NECTIN1: variants seen among roughly 807,000 people sequenced by gnomAD.
NECTIN1 encodes nectin-1.
NECTIN1 carries 23 observed loss-of-function variants against 48.0 expected under a neutral mutation model. The ratio of observed to expected loss-of-function variants is 0.48; its 90% confidence interval spans 0.34 to 0.68. The LOEUF (loss-of-function observed/expected upper bound fraction) is 0.68, where lower values mean the gene tolerates loss of function less well. Among genes scored for constraint, NECTIN1 ranks in the 30% least tolerant of loss-of-function variants. The probability of loss-of-function intolerance (pLI) is 0.01; values close to 1 mark genes in which losing one functional copy is unlikely to be tolerated. For synonymous variants in NECTIN1, 270 were observed against 288.9 expected (o/e 0.93, Z 0.66); for missense variants, 591 against 709.9 (o/e 0.83, Z 1.90).
chr11:119,687,141 G>C (rs930612311), intron 1 of NECTIN1, among the ~76,000 whole-genome samples: 1 of 152,064 alleles, frequency 6.6e-6, no homozygotes, highest in Admixed American at 6.6e-5. Context: ...TCCCAACAGG[G>C]GGAAGGTTGG....
rs903689694 is a variant in NECTIN1 at position 119,672,774 on chromosome 11, T to A, written c.1003+2385A>T. Among the ~76,000 whole-genome samples, 1 of 152,122 alleles carries A rather than the reference T, an allele frequency of 6.6e-6. No homozygotes were observed. Among genetic ancestry groups the A allele is most frequent in the African/African-American group, 2.4e-5 (1 of 41,426 alleles). ...TTCCCATGCTTCCCTGGCCTGGGCA[T>A]CCCGCCCTCCAGCCCTGCCTACTCA... On this transcript the variant is annotated intron_variant, in intron 5 of 5. Coordinates refer to ENST00000264025, the MANE Select transcript of NECTIN1 (RefSeq NM_002855.5). The surrounding 1 kb of genome is among the most constrained non-coding windows in gnomAD (Gnocchi z 4.3).
chr11:119,697,906 C>T (rs1235130925), intron 1 of NECTIN1, among the ~76,000 whole-genome samples: 2 of 152,270 alleles, frequency 1.3e-5, no homozygotes, highest in Non-Finnish European at 2.9e-5. Context: ...AGAGGACAGG[C>T]AGGATGGGCT....
Position 119,706,840 on chromosome 11 carries a change from G to C in NECTIN1, c.79+21635C>G, listed in dbSNP as rs551112191. On this transcript the variant is annotated intron_variant, in intron 1 of 5. Transcript: ENST00000264025. The stretch of plus-strand genomic sequence containing the variant: ...ATTTAATCCTCGTGAACTCCCTCTG[G>C]GTTTATATCATTATCCCACTTTTGT... 1.4e-4 allele frequency among the ~76,000 whole-genome samples: 22 copies of C among 152,244 alleles called. No individual in the cohort carries two copies. In the South Asian group the frequency reaches 1.7e-3, roughly 11 times the overall value.
Position 119,677,408 on chromosome 11 carries a change from A to G in NECTIN1, c.733+147T>C. On this transcript the variant is annotated intron_variant, in intron 3 of 5. Transcript: ENST00000264025. This position sits in a 1 kb window ranked among gnomAD's most constrained non-coding sequence, Gnocchi z 5.4. ...CAGGAGGGCGACAGGGAAGGAGGAG[A>G]GAAAACGAGCAAAGGGAGGAGATAG... 2 of 1,082,570 alleles carry G rather than the reference A, an allele frequency of 1.8e-6. No homozygotes were observed. Among genetic ancestry groups the G allele is most frequent in the Non-Finnish European group, 2.8e-6 (2 of 719,164 alleles). The allele number at this position is 1,082,570 out of a possible 1,614,324, so 67.1% of individuals were successfully genotyped here.
At chr11:119,697,209 AGG>A (rs1216910038) in intron 1 of NECTIN1, among the ~76,000 whole-genome samples, 1 of 152,058 alleles carries the variant, frequency 6.6e-6, no homozygotes, top group South Asian at 2.1e-4. Context: ...CAGCCGAGAG[AGG>A]GGGGTAGGGA....
chr11:119,663,024 G>GAGGGA lies in NECTIN1; in HGVS notation c.*1722_*1723insTCCCT. 1 of 979,336 alleles carries GAGGGA rather than the reference G, an allele frequency of 1.0e-6. No individual in the cohort carries two copies. The highest frequency in any genetic ancestry group is 1.2e-6 in the Non-Finnish European group (1 of 826,420). The allele number at this position is 979,336 out of a possible 1,614,324, so 60.7% of individuals were successfully genotyped here. ...GGTTCAATAGCAGCACCAGGGAGGG[G>GAGGGA]AGGGGAGGGGTTGGGGGGCTCCCTT... On this transcript the variant is annotated 3_prime_UTR_variant, in exon 6 of 6. Transcript: ENST00000264025.
chr11:119,716,364 T>C (rs142588832), intron 1 of NECTIN1, among the ~76,000 whole-genome samples: 1 of 152,090 alleles, frequency 6.6e-6, no homozygotes, highest in African/African-American at 2.4e-5. Context: ...CTCACAACAG[T>C]CCAGCGGTGC....
intron 6 of NECTIN1, among the ~76,000 whole-genome samples, chr11:119,639,154 G>A (rs926615990): frequency 6.6e-6 from 1 of 152,022 alleles, no homozygotes; most frequent in African/African-American, 2.4e-5. Context: ...GGCCTCAGGT[G>A]CACGGTATGC....
chr11:119,678,004 C>A lies in NECTIN1; in HGVS notation c.431-147G>T. 1.2e-6 allele frequency: 1 copy of A among 800,796 alleles called. No homozygotes were observed. Among genetic ancestry groups the A allele is most frequent in the Non-Finnish European group, 2.1e-6 (1 of 476,186 alleles). The allele number at this position is 800,796 out of a possible 1,614,324, so 49.6% of individuals were successfully genotyped here. The stretch of plus-strand genomic sequence containing the variant: ...CAGCTGTGCTGCACCAAAGACTGTC[C>A]CAGAACCTCTTGCAGGAAGTTCATC... On this transcript the variant is annotated intron_variant, in intron 2 of 5. Transcript: ENST00000264025. This position sits in a 1 kb window ranked among gnomAD's most constrained non-coding sequence, Gnocchi z 4.4.
chr11:119,648,331 ATGG>A (rs1167248723), intron 5 of NECTIN1, among the ~76,000 whole-genome samples: 53 of 3,188 alleles, frequency 0.017, 5 homozygotes, highest in Admixed American at 0.04. Flanking sequence ...GATGGTGGTG[ATGG>A]TGGTGGTGAT....
intron 1 of NECTIN1, among the ~76,000 whole-genome samples, chr11:119,719,471 TGG>T (rs1865794042): frequency 6.6e-6 from 1 of 152,212 alleles, no homozygotes; most frequent in Admixed American, 6.5e-5. Flanking sequence ...TGCGTGACCC[TGG>T]GCAAGTTACC....
At chr11:119,675,670 G>A (rs902024177) in intron 4 of NECTIN1, 6 of 269,482 alleles carry the variant, frequency 2.2e-5, no homozygotes, top group Admixed American at 4.8e-5. Flanking sequence ...TTCCATTCAC[G>A]TCTCATGGTT....
At chr11:119,649,065 T>C (rs1327806430) in intron 5 of NECTIN1, among the ~76,000 whole-genome samples, 1 of 152,156 alleles carries the variant, frequency 6.6e-6, no homozygotes, top group Non-Finnish European at 1.5e-5. Context: ...ATCTGGGAGC[T>C]GGGCCACAGT....
chr11:119,648,468 C>G (rs1204147265), intron 5 of NECTIN1, among the ~76,000 whole-genome samples: 2 of 72,492 alleles, frequency 2.8e-5, no homozygotes, highest in African/African-American at 5.5e-5. Flanking sequence ...AAGATGAGCA[C>G]CAGACTCTTC....
chr11:119,666,164 G>A (rs1240827907), intron 5 of NECTIN1, among the ~76,000 whole-genome samples: 2 of 152,328 alleles, frequency 1.3e-5, no homozygotes, highest in East Asian at 3.9e-4. Flanking sequence ...GCGTGTGTGC[G>A]TGCGTGGCAA....
chr11:119,654,711 A>G (rs561077869), intron 5 of NECTIN1, among the ~76,000 whole-genome samples: 10 of 152,010 alleles, frequency 6.6e-5, no homozygotes, highest in African/African-American at 2.4e-4. Context: ...AGCTGGGACT[A>G]CAGGTGCCCA....
Position 119,684,539 on chromosome 11 carries a change from C to G in NECTIN1, c.80-5774G>C, listed in dbSNP as rs78710017. Among the ~76,000 whole-genome samples the G allele has an allele frequency of 2.0e-5, 3 of 152,178 alleles. No homozygotes were observed. The highest frequency in any genetic ancestry group is 2.0e-4 in the Admixed American group (3 of 15,278). On this transcript the variant is annotated intron_variant, in intron 1 of 5. Coordinates refer to ENST00000264025, the MANE Select transcript of NECTIN1 (RefSeq NM_002855.5). The surrounding 1 kb of genome is among the most constrained non-coding windows in gnomAD (Gnocchi z 5.2). The stretch of plus-strand genomic sequence containing the variant: ...AACTGGCAGAAGGGGACAGGATGTC[C>G]GGTGAGAAACCGGCTAAGTGGTAAG...
Position 119,664,959 on chromosome 11 carries a change from C to T in NECTIN1, c.1342G>A (p.Gly448Arg). The T allele has an allele frequency of 2.5e-6, 4 of 1,613,170 alleles. No individual in the cohort carries two copies. Among genetic ancestry groups the T allele is most frequent in the Non-Finnish European group, 3.4e-6 (4 of 1,179,440 alleles). ...EEEEEEEGGG[G>R]GERKVGGPHP... The stretch of plus-strand genomic sequence containing the variant: ...GGGCCGCCCACCTTGCGCTCGCCCC[C>T]TCCACCGCCCTCCTCCTCCTCCTCC... The change falls in exon 6 of 6, where the codon GGG becomes AGG. Residue 448 changes from glycine to arginine, a missense_variant. Coordinates refer to ENST00000264025, the MANE Select transcript of NECTIN1 (RefSeq NM_002855.5).
Position 119,678,303 on chromosome 11 carries a change from C to T in NECTIN1, c.430+112G>A. On this transcript the variant is annotated intron_variant, in intron 2 of 5. Transcript: ENST00000264025. The surrounding 1 kb of genome is among the most constrained non-coding windows in gnomAD (Gnocchi z 4.4). ...GGAAGCCTCATGCCTAGAATGATGG[C>T]AGCATGCCCACCCAAGGGGGATGTC... The T allele has an allele frequency of 9.8e-7, 1 of 1,021,286 alleles. No individual in the cohort carries two copies. The highest frequency in any genetic ancestry group is 1.5e-6 in the Non-Finnish European group (1 of 651,504). The allele number at this position is 1,021,286 out of a possible 1,614,324, so 63.3% of individuals were successfully genotyped here.
Sources: gnomAD v4.1 joint callset for allele counts (sites outside exome capture counted in the v4.1 genomes callset) on GRCh38, gnomAD v4.1.1 for gene constraint, Gnocchi (gnomAD v3.1) non-coding constraint, MANE v1.5 for transcripts, NCBI Gene and HGNC (gene_info 2026-07-23, HGNC 2026-07-21) for gene names.